Variants in MSRB2 observed in about 807,000 individuals in gnomAD.
MSRB2 encodes the protein methionine-R-sulfoxide reductase B2, mitochondrial.
In MSRB2, 17 loss-of-function variants were observed where a neutral mutation model predicts 19.0. The ratio of observed to expected loss-of-function variants is 0.89; its 90% CI spans 0.61 to 1.34. The LOEUF (loss-of-function observed/expected upper bound fraction) is 1.34, where lower values mean the gene tolerates loss of function less well. MSRB2 is among the 40% of genes most tolerant of loss of function. The probability of loss-of-function intolerance (pLI) is 0.00; values close to 1 mark genes in which losing one functional copy is unlikely to be tolerated. For missense variants in MSRB2, 208 were observed against 237.6 expected, an observed-to-expected ratio of 0.88 and a Z score of 0.82; for synonymous variants, 107 against 99.7, an observed-to-expected ratio of 1.07 and a Z score of -0.44.
At chr10:23,105,212 C>CTG (rs36039793) in intron 2 of MSRB2, among the ~76,000 whole-genome samples, 3,566 of 147,030 alleles carry the variant, frequency 0.024, 65 homozygotes, top group African/African-American at 0.047. Flanking sequence ...CTCTGTGTGT[C>CTG]TGTGTGTGTG....
chr10:23,116,679 T>G (rs1185375157), intron 3 of MSRB2, among the ~76,000 whole-genome samples: 6 of 152,220 alleles, frequency 3.9e-5, no homozygotes, highest in African/African-American at 1.4e-4. Context: ...TAGTTACGGC[T>G]GGTGGAACAG....
chr10:23,119,183 T>G, intron 3 of MSRB2, 121 bp from the exon 4 acceptor site: 1 of 1,260,118 alleles, frequency 7.9e-7, no homozygotes, highest in Non-Finnish European at 1.1e-6. Context: ...TAACTGGGCA[T>G]GGGATCTGGC....
chr10:23,098,174 G>T (rs1163026262), intron 1 of MSRB2, among the ~76,000 whole-genome samples: 1 of 152,164 alleles, frequency 6.6e-6, no homozygotes, highest in African/African-American at 2.4e-5. Context: ...ATGGGCTGGG[G>T]ATTCTTTTAA....
chr10:23,097,721 A>G (rs1029735107), intron 1 of MSRB2, among the ~76,000 whole-genome samples: 2 of 152,238 alleles, frequency 1.3e-5, no homozygotes, highest in African/African-American at 4.8e-5. Context: ...AAATAAGGAT[A>G]ATGATAATGG....
In MSRB2 at chr10:23,121,684, G is replaced by A. The variant is rs1840185357; in HGVS notation, c.*822G>A. On this transcript the variant is annotated 3_prime_UTR_variant, in exon 5 of 5. Coordinates refer to ENST00000376510, the MANE Select transcript of MSRB2 (RefSeq NM_012228.4). ...ACAAAAATTCCCTGCACCTTCCACT[G>A]CGTTTCAGTCCTTGACAGACATAAG... 6.6e-6 allele frequency: 1 copy of A among 152,204 alleles called. No homozygotes were observed. Among genetic ancestry groups the A allele is most frequent in the South Asian group, 2.1e-4 (1 of 4,826 alleles). 9.4% of individuals were successfully genotyped at this position (152,204 alleles called of 1,614,324 possible).
Position 23,110,938 on chromosome 10 carries a change from G to A in MSRB2, c.296+620G>A, listed in dbSNP as rs559248063. Reference sequence around the variant, plus strand: ...AACAGTCTTAAAAAAAAGTAGATTCGATGGAGAAGAAAGGAAAACATCTTT... The same window carrying A: ...AACAGTCTTAAAAAAAAGTAGATTCAATGGAGAAGAAAGGAAAACATCTTT... On this transcript the variant is annotated intron_variant, in intron 3 of 4. Transcript: ENST00000376510. 2.0e-4 allele frequency among the ~76,000 whole-genome samples: 30 copies of A among 152,214 alleles called. No individual in the cohort carries two copies. The South Asian group carries it at 5.6e-3, about 28-fold the overall frequency.
At chr10:23,115,567 G>A (rs960272703) in intron 3 of MSRB2, among the ~76,000 whole-genome samples, 2 of 152,084 alleles carry the variant, frequency 1.3e-5, no homozygotes, top group Non-Finnish European at 2.9e-5. Flanking sequence ...CAGAAATCAA[G>A]GAAAACCAAA....
chr10:23,116,524 T>G (rs1215696627), intron 3 of MSRB2, among the ~76,000 whole-genome samples: 1 of 152,220 alleles, frequency 6.6e-6, no homozygotes, highest in African/African-American at 2.4e-5. Flanking sequence ...TTTAAATGTA[T>G]TATAATTAGA....
chr10:23,107,032 A>C (rs1487328409), intron 2 of MSRB2, among the ~76,000 whole-genome samples: 3 of 151,966 alleles, frequency 2.0e-5, no homozygotes, highest in Non-Finnish European at 2.9e-5. Context: ...AGGCATTTCA[A>C]TTCTCTCTTC....
chr10:23,118,967 T>G (rs780894554), intron 3 of MSRB2: 59 of 463,268 alleles, frequency 1.3e-4, no homozygotes, highest in Non-Finnish European at 2.5e-4. Flanking sequence ...ATTTCTCCCC[T>G]TTTGACATTT....
chr10:23,109,674 C>T (rs185572935), intron 2 of MSRB2, among the ~76,000 whole-genome samples: 9 of 152,244 alleles, frequency 5.9e-5, no homozygotes, highest in Non-Finnish European at 1.2e-4. Context: ...CCACAATGAA[C>T]GCAGTAATTT....
intron 2 of MSRB2, among the ~76,000 whole-genome samples, chr10:23,110,004 T>C (rs1301788680): frequency 6.6e-6 from 1 of 152,248 alleles, no homozygotes; most frequent in Non-Finnish European, 1.5e-5. Flanking sequence ...CCTGTATGAA[T>C]ACAAAGATTA....
intron 1 of MSRB2, 152 bp from the exon 2 acceptor site, chr10:23,103,992 T>C: frequency 2.0e-6 from 1 of 507,838 alleles, no homozygotes; most frequent in Non-Finnish European, 3.4e-6. Context: ...GCCTGAGCCT[T>C]CTGGTCCCCA....
At chr10:23,099,662 T>C (rs1470585945) in intron 1 of MSRB2, among the ~76,000 whole-genome samples, 1 of 152,210 alleles carries the variant, frequency 6.6e-6, no homozygotes, top group African/African-American at 2.4e-5. Flanking sequence ...AAGGCTGTAG[T>C]GTACTTTGAT....
intron 2 of MSRB2, among the ~76,000 whole-genome samples, chr10:23,108,821 C>A (rs1052048111): frequency 2.0e-5 from 3 of 152,106 alleles, no homozygotes; most frequent in Non-Finnish European, 4.4e-5. Context: ...GTGTTGGAAG[C>A]AGGCATTTGA....
intron 3 of MSRB2, among the ~76,000 whole-genome samples, chr10:23,113,569 T>G (rs192414505): frequency 6.6e-6 from 1 of 152,346 alleles, no homozygotes; most frequent in East Asian, 1.9e-4. Context: ...TGTTATGGGA[T>G]GAATTGTGTC....
At chr10:23,099,057 CT>C (rs1203524173) in intron 1 of MSRB2, among the ~76,000 whole-genome samples, 1 of 152,178 alleles carries the variant, frequency 6.6e-6, no homozygotes, top group Non-Finnish European at 1.5e-5. Context: ...CCAGGGCCCC[CT>C]CTTAATGGCC....
chr10:23,101,523 C>A (rs1305515922), intron 1 of MSRB2, among the ~76,000 whole-genome samples: 1 of 152,096 alleles, frequency 6.6e-6, no homozygotes, highest in African/African-American at 2.4e-5. Context: ...GGGTAGATAC[C>A]CAGTAGTGGG....
chr10:23,110,564 A>G (rs1403576515), intron 3 of MSRB2, among the ~76,000 whole-genome samples: 1 of 151,644 alleles, frequency 6.6e-6, no homozygotes, highest in Non-Finnish European at 1.5e-5. Context: ...TCCTTTCTCT[A>G]TCCTCAAGAA....
Sources: gnomAD v4.1 joint callset for allele counts (sites outside exome capture counted in the v4.1 genomes callset) on GRCh38, gnomAD v4.1.1 for gene constraint, MANE v1.5 for transcripts, NCBI Gene and HGNC (gene_info 2026-07-23, HGNC 2026-07-21) for gene names.